The following DTX4 variants were observed in gnomAD, a reference collection of about 807,000 sequenced individuals.
DTX4 encodes deltex E3 ubiquitin ligase 4.
A neutral mutation model predicts 57.6 loss-of-function variants in DTX4; 28 were observed. The observed-to-expected ratio is 0.49, with a 90% CI of 0.36 to 0.67. DTX4 has a LOEUF of 0.67. DTX4 is among the 30% of genes least tolerant of loss of function. The probability of loss-of-function intolerance (pLI) is 0.00; values close to 1 mark genes in which losing one functional copy is unlikely to be tolerated. For missense variants in DTX4, 715 were observed against 836.8 expected, an observed-to-expected ratio of 0.85 and a Z score of 1.80; for synonymous variants, 316 against 331.0, an observed-to-expected ratio of 0.95 and a Z score of 0.49.
rs1862800572 is a variant in DTX4, at chr11:59,205,916, G to A, written c.*1007G>A. ...CATGTCCCTGCACTCTGTTTTGCAAGATGCCAAACCCCAGTTCTGATGGGG... is the reference window on the plus strand; with the variant it reads ...CATGTCCCTGCACTCTGTTTTGCAAAATGCCAAACCCCAGTTCTGATGGGG... On this transcript the variant is annotated 3_prime_UTR_variant, in exon 9 of 9. Transcript: ENST00000227451. 1 of 152,724 alleles carries A rather than the reference G, an allele frequency of 6.5e-6. No homozygotes were observed. The highest frequency in any genetic ancestry group is 1.5e-5 in the Non-Finnish European group (1 of 68,154). 9.5% of individuals were successfully genotyped at this position (152,724 alleles called of 1,614,324 possible).
At chr11:59,186,923 G>C (rs897516687) in intron 2 of DTX4, among the ~76,000 whole-genome samples, 3 of 152,194 alleles carry the variant, frequency 2.0e-5, no homozygotes, top group African/African-American at 7.2e-5. Context: ...GGGTGGCCTG[G>C]TGAGACACAA....
chr11:59,191,066 A>T (rs1245164092), intron 4 of DTX4, 48 bp from the exon 5 acceptor site: 2 of 1,540,010 alleles, frequency 1.3e-6, no homozygotes, highest in Non-Finnish European at 1.8e-6. Flanking sequence ...AGGCTGTTTG[A>T]TCTCTTACCT....
At chr11:59,203,856 C>G (rs1004733209) in intron 8 of DTX4, among the ~76,000 whole-genome samples, 2 of 152,226 alleles carry the variant, frequency 1.3e-5, no homozygotes, top group African/African-American at 2.4e-5. Flanking sequence ...AGTAAACACT[C>G]AGGAAATAGC....
rs1862846223 is a variant in DTX4, at chr11:59,208,574, G to A, written c.*3665G>A. 6.6e-6 allele frequency: 1 copy of A among 152,148 alleles called. No homozygotes were observed. The highest frequency in any genetic ancestry group is 2.1e-4 in the South Asian group (1 of 4,834). 9.4% of individuals were successfully genotyped at this position (152,148 alleles called of 1,614,324 possible). On this transcript the variant is annotated 3_prime_UTR_variant, in exon 9 of 9. Transcript: ENST00000227451. ...ACTGACAAGAACACAAAAATAAAAT[G>A]CAAATACAGAGCCAGCTTTGTCACC...
chr11:59,193,096 T>C (rs892064229), intron 6 of DTX4, among the ~76,000 whole-genome samples: 1 of 152,132 alleles, frequency 6.6e-6, no homozygotes, highest in Admixed American at 6.5e-5. Context: ...AAGCAAGAAG[T>C]ATGTCTGGAT....
intron 5 of DTX4, among the ~76,000 whole-genome samples, chr11:59,191,743 CT>C (rs1244782059): frequency 1.3e-5 from 2 of 152,184 alleles, no homozygotes; most frequent in Non-Finnish European, 2.9e-5. Flanking sequence ...AATACAATTC[CT>C]TTACATTCCT....
chr11:59,172,730 G>T lies in DTX4; in HGVS notation c.135G>T (p.Val45=). The T allele has an allele frequency of 6.2e-7, 1 of 1,605,070 alleles. No homozygotes were observed. The highest frequency in any genetic ancestry group is 1.1e-5 in the South Asian group (1 of 89,894). ...GCCCCCGCGCGGGGGGCAGCGTGGT[G>T]CTGGGCCAGGTGGACAGCCGTCTCG... ...RAGPRAGGSV[V]LGQVDSRLAP... is the part of the protein sequence containing the mutation. Residue 45 remains valine (V), a synonymous_variant, in exon 1 of 9, where the codon GTG becomes GTT. Transcript: ENST00000227451.
rs976950514 is a variant in DTX4 at position 59,189,294 on chromosome 11, G to A, written c.1130G>A (p.Arg377His). 9.0e-6 allele frequency: 14 copies of A among 1,562,434 alleles called. No homozygotes were observed. Among genetic ancestry groups the A allele is most frequent in the African/African-American group, 4.1e-5 (3 of 73,176 alleles). The change falls in exon 4 of 9, where the codon CGC becomes CAC. Residue 377 changes from arginine to histidine, a missense_variant. Physicochemically the swap from Arg to His is conservative, Grantham distance 29. Coordinates refer to ENST00000227451, the MANE Select transcript of DTX4 (RefSeq NM_015177.2). ...KSIPGVSNTS[R>H]KTTKKQAKKG... ...ATCCCAGGGGTTTCCAACACAAGCC[G>A]CAAGACCACCAAAAAACAAGCCAAG...
intron 8 of DTX4, among the ~76,000 whole-genome samples, chr11:59,200,440 C>T (rs1430941979): frequency 6.6e-6 from 1 of 152,112 alleles, no homozygotes; most frequent in African/African-American, 2.4e-5. Flanking sequence ...AAACGCTGGT[C>T]CTGGGACCAG....
intron 1 of DTX4, among the ~76,000 whole-genome samples, chr11:59,176,061 T>C (rs1235149555): frequency 6.6e-6 from 1 of 152,240 alleles, no homozygotes; most frequent in African/African-American, 2.4e-5. Flanking sequence ...CTGAGTTTTC[T>C]GTGCAGGTTT....
chr11:59,184,810 GC>G (rs1262598141), intron 2 of DTX4, among the ~76,000 whole-genome samples: 1 of 152,076 alleles, frequency 6.6e-6, no homozygotes, highest in Non-Finnish European at 1.5e-5. Flanking sequence ...GATGAGGGAG[GC>G]CCCTGCCTAC....
intron 5 of DTX4, 120 bp from the exon 6 acceptor site, chr11:59,191,978 G>A: frequency 8.7e-7 from 1 of 1,147,574 alleles, no homozygotes; most frequent in Non-Finnish European, 1.2e-6. Flanking sequence ...CTTACACCCT[G>A]ATTTGTGGGT....
At chr11:59,189,439 T>G in intron 4 of DTX4, 116 bp downstream of exon 4, 2 of 1,073,204 alleles carry the variant, frequency 1.9e-6, no homozygotes, top group Non-Finnish European at 2.6e-6. Flanking sequence ...CCTCAATTTC[T>G]GCATCTGTAA....
At chr11:59,180,878 G>C (rs754383332) in intron 1 of DTX4, among the ~76,000 whole-genome samples, 8 of 152,142 alleles carry the variant, frequency 5.3e-5, no homozygotes, top group Non-Finnish European at 8.8e-5. Context: ...CTTTAGGAGG[G>C]TTTTAGCTTC....
chr11:59,189,771 CAGTT>C (rs1335811927), intron 4 of DTX4, among the ~76,000 whole-genome samples: 1 of 152,152 alleles, frequency 6.6e-6, no homozygotes, highest in Non-Finnish European at 1.5e-5. Flanking sequence ...GCATCCATGA[CAGTT>C]AGGAAGTAGT....
intron 7 of DTX4, among the ~76,000 whole-genome samples, chr11:59,199,330 G>A (rs1321792006): frequency 6.6e-6 from 1 of 152,200 alleles, no homozygotes; most frequent in Admixed American, 6.5e-5. Context: ...GGACAATGAT[G>A]TTAAACATTT....
rs909953456 is a variant in DTX4, at chr11:59,189,424, C to T, written c.1159+101C>T. 2.5e-5 allele frequency: 30 copies of T among 1,205,652 alleles called. No individual in the cohort carries two copies. The African/African-American group carries it at 4.5e-4, about 18-fold the overall frequency. The allele number at this position is 1,205,652 out of a possible 1,614,324, so 74.7% of individuals were successfully genotyped here. A position where few individuals can be genotyped will look rare whatever the true frequency, so the allele number is the denominator to read the frequency against. On this transcript the variant is annotated intron_variant, in intron 4 of 8. Transcript: ENST00000227451. ...AGGGTCATAGCCACGGCTTCACCCT[C>T]TGTGCCTCAATTTCTGCATCTGTAA...
chr11:59,171,639 G>A (rs184577506), upstream of DTX4, among the ~76,000 whole-genome samples: 24 of 152,324 alleles, frequency 1.6e-4, no homozygotes, highest in Non-Finnish European at 2.6e-4. Context: ...GAGCAGCAGG[G>A]GGCGTGTCTT....
intron 7 of DTX4, among the ~76,000 whole-genome samples, chr11:59,199,424 T>TA (rs1273293259): frequency 1.3e-5 from 2 of 152,172 alleles, no homozygotes; most frequent in Admixed American, 6.5e-5. Flanking sequence ...TCATTCCTGT[T>TA]AGAGAGATGG....
Sources: allele counts gnomAD v4.1 joint callset (sites outside exome capture counted in the v4.1 genomes callset), GRCh38; gene constraint gnomAD v4.1.1; transcripts MANE v1.5; gene names NCBI Gene and HGNC (gene_info 2026-07-23, HGNC 2026-07-21).